MEF2D: variants seen among roughly 807,000 people sequenced by gnomAD.
The protein encoded by MEF2D is myocyte-specific enhancer factor 2D.
In MEF2D, 10 loss-of-function variants were observed where a neutral mutation model predicts 59.3. The observed-to-expected ratio is 0.17, with a 90% CI of 0.10 to 0.29. MEF2D has a LOEUF of 0.29. Among genes scored for constraint, MEF2D ranks in the 10% least tolerant of loss-of-function variants. The pLI is 1.00. For missense variants in MEF2D, 508 were observed against 699.4 expected, an observed-to-expected ratio of 0.73 and a Z score of 3.09; for synonymous variants, 305 against 295.0, an observed-to-expected ratio of 1.03 and a Z score of -0.35.
chr1:156,479,903 A>G, intron 4 of MEF2D, 107 bp from the exon 5 acceptor site: 1 of 1,102,764 alleles, frequency 9.1e-7, no homozygotes, highest in South Asian at 1.4e-5. Flanking sequence ...TGGGCTACGC[A>G]TCCTAGGGCC....
Position 156,468,061 on chromosome 1 carries a change from G to C in MEF2D, c.1486C>G (p.Leu496Val). The change falls in exon 11 of 12, where the codon CTG (leucine) becomes GTG (valine). Residue 496 changes from leucine (L) to valine (V), a missense_variant. By Grantham distance (32) the Leu-to-Val change is conservative. Transcript: ENST00000348159. The surrounding 1 kb of genome is among the most constrained non-coding windows in gnomAD (Gnocchi z 4.3). ...GRGDFGPTLG[L>V]LRPAPEPEAE... ...TCAGGCTCTGGGGCTGGGCGCAGCAGGCCCAGTGTGGGCCCGAAGTCCCCC... is the reference window on the plus strand; with the variant it reads ...TCAGGCTCTGGGGCTGGGCGCAGCACGCCCAGTGTGGGCCCGAAGTCCCCC... The C allele has an allele frequency of 6.2e-7, 1 of 1,614,086 alleles. No homozygotes were observed.
chr1:156,484,146 A>C (rs1345908608), intron 1 of MEF2D: 1 of 152,302 alleles, frequency 6.6e-6, no homozygotes, highest in East Asian at 1.9e-4. Flanking sequence ...GAGTAGAACA[A>C]GGAGTTCGAT....
chr1:156,470,939 A>C (rs1671200187), intron 9 of MEF2D, among the ~76,000 whole-genome samples: 1 of 152,164 alleles, frequency 6.6e-6, no homozygotes, highest in South Asian at 2.1e-4. Context: ...ATTACCTTTA[A>C]ATCTCTCTAG....
intron 1 of MEF2D, among the ~76,000 whole-genome samples, chr1:156,485,880 C>T (rs1176575524): frequency 1.3e-5 from 2 of 150,316 alleles, no homozygotes; most frequent in African/African-American, 2.4e-5. Flanking sequence ...GACAGAGTCT[C>T]ACTCTGTCAC....
intron 4 of MEF2D, 59 bp downstream of exon 4, chr1:156,480,775 C>A: frequency 6.2e-7 from 1 of 1,602,632 alleles, no homozygotes; most frequent in Non-Finnish European, 8.5e-7. Flanking sequence ...TCTTGTGCAG[C>A]GCCTGGGGGG....
intron 6 of MEF2D, among the ~76,000 whole-genome samples, chr1:156,478,909 T>C (rs1372382312): frequency 6.6e-6 from 1 of 152,224 alleles, no homozygotes; most frequent in Non-Finnish European, 1.5e-5. Context: ...AATGCACTTA[T>C]GTGTGTTGAG....
intron 1 of MEF2D, among the ~76,000 whole-genome samples, chr1:156,493,071 A>C (rs1672909001): frequency 6.6e-6 from 1 of 152,158 alleles, no homozygotes; most frequent in South Asian, 2.1e-4. Context: ...CCTTTTTTAA[A>C]GCAGCAAGAT....
chr1:156,480,794 G>A (rs755779995), intron 4 of MEF2D, 40 bp downstream of exon 4: 52 of 1,596,514 alleles, frequency 3.3e-5, no homozygotes, highest in African/African-American at 9.4e-5. Context: ...GGAAGGGGCC[G>A]GAAGGGGGGG....
chr1:156,484,613 G>C (rs1239314083), intron 1 of MEF2D, among the ~76,000 whole-genome samples: 1 of 152,162 alleles, frequency 6.6e-6, no homozygotes, highest in Admixed American at 6.5e-5. Flanking sequence ...ACACTGGGGA[G>C]GCCACTGGCA....
intron 1 of MEF2D, among the ~76,000 whole-genome samples, chr1:156,495,986 G>T (rs1458528477): frequency 6.6e-6 from 1 of 152,164 alleles, no homozygotes; most frequent in Non-Finnish European, 1.5e-5. Flanking sequence ...CCAGCCTACA[G>T]CAGAAAGAAA....
intron 1 of MEF2D, among the ~76,000 whole-genome samples, chr1:156,493,117 C>T (rs1672911400): frequency 6.6e-6 from 1 of 152,168 alleles, no homozygotes; most frequent in Non-Finnish European, 1.5e-5. Context: ...GACAGGGCTG[C>T]TCTGGCTGAA....
At chr1:156,476,864 A>T in intron 7 of MEF2D, 148 bp downstream of exon 7, 10 of 943,798 alleles carry the variant, frequency 1.1e-5, no homozygotes, top group Non-Finnish European at 1.6e-5. Flanking sequence ...GGGAAGAAAA[A>T]TCTCATAAAA....
chr1:156,483,342 T>C lies in MEF2D; in HGVS notation c.-50A>G. The C allele has an allele frequency of 6.4e-7, 1 of 1,569,082 alleles. No individual in the cohort carries two copies. The highest frequency in any genetic ancestry group is 2.2e-5 in the East Asian group (1 of 44,642). ...CGGAGGGGAGGGGCTCGCTGGGTGG[T>C]GGGTCTCGGCACACCTTACACTGTG... On this transcript the variant is annotated 5_prime_UTR_variant, in exon 2 of 12. Transcript: ENST00000348159.
chr1:156,491,868 A>G (rs1672821444), intron 1 of MEF2D, among the ~76,000 whole-genome samples: 1 of 152,234 alleles, frequency 6.6e-6, no homozygotes, highest in East Asian at 1.9e-4. Context: ...ACCCCCACCC[A>G]GGATCCGTAG....
chr1:156,475,299 C>G, intron 8 of MEF2D, 62 bp from the exon 9 acceptor site: 5 of 1,507,430 alleles, frequency 3.3e-6, no homozygotes, highest in Non-Finnish European at 4.4e-6. Flanking sequence ...TGTTGGCCCT[C>G]CATCCCAAGG....
intron 1 of MEF2D, among the ~76,000 whole-genome samples, chr1:156,485,977 G>A (rs1036647561): frequency 4.6e-5 from 7 of 151,958 alleles, no homozygotes; most frequent in Non-Finnish European, 8.8e-5. Context: ...GGCCTCCCAA[G>A]TAGCTGGGAT....
At chr1:156,471,667 C>A (rs1211575160) in intron 9 of MEF2D, among the ~76,000 whole-genome samples, 2 of 152,226 alleles carry the variant, frequency 1.3e-5, no homozygotes, top group Non-Finnish European at 2.9e-5. Flanking sequence ...CAGGCCTCTG[C>A]GGCCAGTGTC....
At position 156,479,571 on chromosome 1, in the gene MEF2D, T is replaced by C; in HGVS notation, c.607+15A>G. ...CTCATTTCCACCTCACCTACCCACCTGCCAGCCCACTCACCCGCACTAGCT... is the reference window on the plus strand; with the variant it reads ...CTCATTTCCACCTCACCTACCCACCCGCCAGCCCACTCACCCGCACTAGCT... On this transcript the variant is annotated intron_variant, in intron 5 of 11. Transcript: ENST00000348159. 6.5e-7 allele frequency: 1 copy of C among 1,549,722 alleles called. No individual in the cohort carries two copies.
intron 1 of MEF2D, among the ~76,000 whole-genome samples, chr1:156,491,798 T>C (rs990344900): frequency 6.6e-6 from 1 of 152,176 alleles, no homozygotes; most frequent in Admixed American, 6.5e-5. Context: ...GCATGAGGAT[T>C]TGCATAGCGT....
Sources: gnomAD v4.1 joint callset for allele counts (sites outside exome capture counted in the v4.1 genomes callset) on GRCh38, gnomAD v4.1.1 for gene constraint, Gnocchi (gnomAD v3.1) non-coding constraint, MANE v1.5 for transcripts, NCBI Gene and HGNC (gene_info 2026-07-23, HGNC 2026-07-21) for gene names.